Variants in KIAA0825 observed in about 807,000 individuals in gnomAD.
The protein encoded by KIAA0825 is uncharacterized protein KIAA0825.
In KIAA0825, 119 loss-of-function variants were observed where a neutral mutation model predicts 147.6. That is an observed-to-expected ratio of 0.81 (90% CI 0.69 to 0.94). The LOEUF (loss-of-function observed/expected upper bound fraction) is 0.94. KIAA0825 is among the 40% of genes least tolerant of loss of function. KIAA0825 has a pLI of 0.00. For synonymous variants in KIAA0825, 470 were observed against 518.1 expected (o/e 0.91, Z 1.26); for missense variants, 1,381 against 1,472.7 (o/e 0.94, Z 1.02).
chr5:94,447,520 T>G (rs752536383), intron 13 of KIAA0825, among the ~76,000 whole-genome samples: 3 of 152,124 alleles, frequency 2.0e-5, no homozygotes, highest in Non-Finnish European at 4.4e-5. Flanking sequence ...AATTGATTTC[T>G]TCACCAACAT....
intron 20 of KIAA0825, among the ~76,000 whole-genome samples, chr5:94,319,724 C>T (rs552557381): frequency 1.8e-4 from 27 of 151,970 alleles, no homozygotes; most frequent in Non-Finnish European, 3.7e-4. Context: ...CTATCCCCAT[C>T]AACCTAATTC....
At chr5:94,558,325 T>C (rs910508889) in intron 2 of KIAA0825, among the ~76,000 whole-genome samples, 1 of 152,096 alleles carries the variant, frequency 6.6e-6, no homozygotes, top group African/African-American at 2.4e-5. Context: ...AATTTTGAAA[T>C]TTGGAATGGA....
At chr5:94,517,872 A>T (rs1767517235) in intron 5 of KIAA0825, among the ~76,000 whole-genome samples, 1 of 152,112 alleles carries the variant, frequency 6.6e-6, no homozygotes. Flanking sequence ...GTAATACAGG[A>T]AGGGCTCTGA....
chr5:94,299,123 T>G (rs1424627096), intron 20 of KIAA0825, among the ~76,000 whole-genome samples: 2 of 152,192 alleles, frequency 1.3e-5, no homozygotes, highest in African/African-American at 2.4e-5. Context: ...TTTTCCGTTT[T>G]AATAAAGTTG....
chr5:94,381,266 A>T (rs1350768963), intron 20 of KIAA0825, among the ~76,000 whole-genome samples: 1 of 152,166 alleles, frequency 6.6e-6, no homozygotes, highest in East Asian at 1.9e-4. Context: ...CTGACTAGAC[A>T]CCAAAACTGC....
chr5:94,248,690 G>A (rs1323050483), intron 20 of KIAA0825, among the ~76,000 whole-genome samples: 1 of 152,070 alleles, frequency 6.6e-6, no homozygotes, highest in African/African-American at 2.4e-5. Flanking sequence ...AGACCTTGCT[G>A]CAATGTGGAT....
At chr5:94,423,976 G>A (rs1754521798) in intron 14 of KIAA0825, among the ~76,000 whole-genome samples, 1 of 151,990 alleles carries the variant, frequency 6.6e-6, no homozygotes, top group Non-Finnish European at 1.5e-5. Flanking sequence ...TTGTATAAAA[G>A]GCTAATAATA....
At chr5:94,356,782 T>C (rs1784330216) in intron 20 of KIAA0825, among the ~76,000 whole-genome samples, 1 of 138,960 alleles carries the variant, frequency 7.2e-6, no homozygotes, top group South Asian at 2.4e-4. Flanking sequence ...TGGAGTACAA[T>C]GGTGTGATCT....
chr5:94,401,390 G>A (rs901637314), intron 16 of KIAA0825, among the ~76,000 whole-genome samples: 6 of 152,058 alleles, frequency 3.9e-5, no homozygotes, highest in African/African-American at 1.4e-4. Context: ...GTTTTAAACT[G>A]TAGTTGACTT....
chr5:94,344,551 G>C (rs902206170), intron 20 of KIAA0825, among the ~76,000 whole-genome samples: 3 of 152,044 alleles, frequency 2.0e-5, no homozygotes, highest in South Asian at 2.1e-4. Flanking sequence ...TTTGTTTCTA[G>C]GTATATAACC....
In KIAA0825 at chr5:94,457,118, A is replaced by G. The variant is rs144010157; in HGVS notation, c.2247-4049T>C. ...TCTCAAAGGGAGTGAGATCTGTATGAGCATTTAATTCCACAGCAAGATCCC... is the reference window on the plus strand; with the variant it reads ...TCTCAAAGGGAGTGAGATCTGTATGGGCATTTAATTCCACAGCAAGATCCC... On this transcript the variant is annotated intron_variant, in intron 12 of 20. Transcript: ENST00000682413. Among the ~76,000 whole-genome samples the G allele has an allele frequency of 4.1e-3, 627 of 152,334 alleles. 6 individuals are homozygous for G. The highest frequency in any genetic ancestry group is 0.024 in the Middle Eastern group (7 of 294).
At chr5:94,334,256 G>T (rs761913307) in intron 20 of KIAA0825, among the ~76,000 whole-genome samples, 1 of 152,220 alleles carries the variant, frequency 6.6e-6, no homozygotes, top group Admixed American at 6.5e-5. Flanking sequence ...CTCAGCCAGT[G>T]CAGTAAGACA....
At chr5:94,212,640 C>G (rs1299746669) in intron 20 of KIAA0825, among the ~76,000 whole-genome samples, 1 of 152,156 alleles carries the variant, frequency 6.6e-6, no homozygotes, top group Non-Finnish European at 1.5e-5. Flanking sequence ...TACAGAGTGG[C>G]CCAAGTGGAT....
chr5:94,583,694 G>A (rs917864010), intron 1 of KIAA0825, among the ~76,000 whole-genome samples: 9 of 152,142 alleles, frequency 5.9e-5, no homozygotes, highest in African/African-American at 2.2e-4. Flanking sequence ...CATGGTGTTC[G>A]AGCTCCAATA....
intron 13 of KIAA0825, among the ~76,000 whole-genome samples, chr5:94,451,116 C>T (rs1758346901): frequency 6.6e-6 from 1 of 152,170 alleles, no homozygotes; most frequent in Admixed American, 6.5e-5. Flanking sequence ...ACACACTCAT[C>T]ACTCTAAAAA....
chr5:94,531,218 C>T (rs1027710830), intron 3 of KIAA0825, among the ~76,000 whole-genome samples: 1 of 152,148 alleles, frequency 6.6e-6, no homozygotes, highest in Non-Finnish European at 1.5e-5. Context: ...CCACATTTTA[C>T]CCTATTCATC....
At chr5:94,233,621 A>C (rs1460911232) in intron 20 of KIAA0825, among the ~76,000 whole-genome samples, 1 of 152,180 alleles carries the variant, frequency 6.6e-6, no homozygotes, top group Non-Finnish European at 1.5e-5. Flanking sequence ...GAAATACTGA[A>C]TGAATTGTGG....
intron 2 of KIAA0825, among the ~76,000 whole-genome samples, chr5:94,555,336 T>G (rs905162560): frequency 6.6e-6 from 1 of 152,164 alleles, no homozygotes; most frequent in African/African-American, 2.4e-5. Context: ...CCATTCAATT[T>G]ATTTTCTCAA....
intron 20 of KIAA0825, among the ~76,000 whole-genome samples, chr5:94,365,521 G>GA (rs1161166782): frequency 1.3e-5 from 2 of 152,136 alleles, no homozygotes; most frequent in Non-Finnish European, 2.9e-5. Context: ...GTAGATTATT[G>GA]AAAAAATGCC....
Sources: allele counts gnomAD v4.1 joint callset (sites outside exome capture counted in the v4.1 genomes callset), GRCh38; gene constraint gnomAD v4.1.1; transcripts MANE v1.5; gene names NCBI Gene and HGNC (gene_info 2026-07-23, HGNC 2026-07-21).